Variants in KLHL29 observed in about 807,000 individuals in gnomAD.
The protein encoded by KLHL29 is kelch like family member 29, also known as kelch-like protein 29.
Under a neutral mutation model 80.4 loss-of-function variants are expected in KLHL29, and 21 were observed. The ratio of observed to expected loss-of-function variants is 0.26; its 90% CI spans 0.19 to 0.38. KLHL29 has a LOEUF of 0.38. KLHL29 is among the 10% of genes least tolerant of loss of function. The probability of loss-of-function intolerance (pLI) is 1.00; values close to 1 mark genes in which losing one functional copy is unlikely to be tolerated. For missense variants in KLHL29, 867 were observed against 1,223.9 expected (o/e 0.71, Z 4.35); for synonymous variants, 511 against 526.8 (o/e 0.97, Z 0.41).
chr2:23,593,477 A>G (rs978936633), intron 3 of KLHL29, among the ~76,000 whole-genome samples: 10 of 152,172 alleles, frequency 6.6e-5, no homozygotes, highest in African/African-American at 2.4e-4. Flanking sequence ...TAACAGATGC[A>G]TCTATTCAGT....
chr2:23,602,363 C>T (rs547869456), intron 3 of KLHL29, among the ~76,000 whole-genome samples: 1 of 152,308 alleles, frequency 6.6e-6, no homozygotes, highest in South Asian at 2.1e-4. Flanking sequence ...GCACTGGCTG[C>T]GGCTCCTGCA....
rs202189865 is a variant in KLHL29 at position 23,403,722 on chromosome 2, A to AGT, written c.-154+17943_-154+17944insTG. ...GAAGATGAAACCCAAAGAGAGAGAGAGAGAGTGTGTGTGTGTGTGTGTGTG... is the reference window on the plus strand; with the variant it reads ...GAAGATGAAACCCAAAGAGAGAGAGAGTGAGAGTGTGTGTGTGTGTGTGTGTG... On this transcript the variant is annotated intron_variant, in intron 1 of 13. Transcript: ENST00000486442. Among the ~76,000 whole-genome samples the AGT allele has an allele frequency of 6.6e-3, 924 of 141,046 alleles. 2 individuals are homozygous for AGT. Among genetic ancestry groups the AGT allele is most frequent in the Middle Eastern group, 0.021 (6 of 292 alleles). The allele number at this position is 141,046 out of a possible 152,430, so 92.5% of individuals were successfully genotyped here. A position where few individuals can be genotyped will look rare whatever the true frequency, so the allele number is the denominator to read the frequency against.
At chr2:23,496,804 G>C (rs775718300) in intron 2 of KLHL29, among the ~76,000 whole-genome samples, 18 of 152,190 alleles carry the variant, frequency 1.2e-4, no homozygotes, top group Non-Finnish European at 1.8e-4. Context: ...TCAGACTTCT[G>C]CATCCATACA....
intron 2 of KLHL29, among the ~76,000 whole-genome samples, chr2:23,529,315 A>G (rs931127842): frequency 1.3e-5 from 2 of 151,948 alleles, no homozygotes; most frequent in African/African-American, 2.4e-5. Context: ...GGGTCTTGCT[A>G]TGTTGCCCAG....
At chr2:23,597,405 ATATTTTTTTTTTT>A (rs1668453228) in intron 3 of KLHL29, among the ~76,000 whole-genome samples, 1 of 28,692 alleles carries the variant, frequency 3.5e-5, no homozygotes, top group African/African-American at 1.3e-4. Context: ...ATATATATAT[ATATTTTTTTTTTT>A]TTTTTTTTTT....
chr2:23,650,353 T>TCA (rs71402503), intron 5 of KLHL29, among the ~76,000 whole-genome samples: 64,155 of 151,090 alleles, frequency 0.42, 15,531 homozygotes, highest in Non-Finnish European at 0.53. Flanking sequence ...TATCATAGAG[T>TCA]CACACACACA....
intron 3 of KLHL29, among the ~76,000 whole-genome samples, chr2:23,613,832 G>A (rs4665617): frequency 4.9e-5 from 7 of 141,550 alleles, no homozygotes; most frequent in Admixed American, 3.6e-4. Flanking sequence ...ACAATTGTAC[G>A]CATCCAAGAA....
intron 5 of KLHL29, among the ~76,000 whole-genome samples, chr2:23,673,070 G>A (rs1670813807): frequency 6.6e-6 from 1 of 152,182 alleles, no homozygotes; most frequent in African/African-American, 2.4e-5. Flanking sequence ...GGGTTGGTTT[G>A]CTTGTTTCAC....
Position 23,410,051 on chromosome 2 carries a change from G to T in KLHL29, c.-154+24271G>T, listed in dbSNP as rs146380535. 6.6e-5 allele frequency among the ~76,000 whole-genome samples: 10 copies of T among 152,284 alleles called. No individual in the cohort carries two copies. The East Asian group carries it at 1.9e-3, about 29-fold the overall frequency. Reference sequence around the variant, plus strand: ...AAACTGGCATTAAGAAACCAGAGGGGAGCATGGCACAGGCGGAGAGTGGAG... The same window carrying T: ...AAACTGGCATTAAGAAACCAGAGGGTAGCATGGCACAGGCGGAGAGTGGAG... On this transcript the variant is annotated intron_variant, in intron 1 of 13. Coordinates refer to ENST00000486442, the MANE Select transcript of KLHL29 (RefSeq NM_052920.2).
intron 1 of KLHL29, among the ~76,000 whole-genome samples, chr2:23,465,759 G>A (rs1418287330): frequency 6.6e-6 from 1 of 152,086 alleles, no homozygotes; most frequent in African/African-American, 2.4e-5. Flanking sequence ...GATCTTTCAG[G>A]CACCACCTTC....
At chr2:23,581,793 A>C (rs1572415685) in intron 3 of KLHL29, among the ~76,000 whole-genome samples, 1 of 134,244 alleles carries the variant, frequency 7.4e-6, no homozygotes, top group Non-Finnish European at 1.5e-5. Flanking sequence ...ACACCATTGC[A>C]CTCCAGCCTG....
At chr2:23,604,010 G>A (rs1219803867) in intron 3 of KLHL29, among the ~76,000 whole-genome samples, 2 of 152,240 alleles carry the variant, frequency 1.3e-5, no homozygotes, top group African/African-American at 4.8e-5. Flanking sequence ...TGGGTGCACA[G>A]TTCTAGTGTG....
chr2:23,420,919 A>T (rs1662780078), intron 1 of KLHL29, among the ~76,000 whole-genome samples: 1 of 152,108 alleles, frequency 6.6e-6, no homozygotes, highest in Admixed American at 6.5e-5. Flanking sequence ...CCCTCCCAGA[A>T]GCCCTGGCTG....
rs571469911 is a variant in KLHL29, at chr2:23,469,979, G to A, written c.-153-5581G>A. On this transcript the variant is annotated intron_variant, in intron 1 of 13. Transcript: ENST00000486442. ...TGGCAGGGCTGAGTTGGGTGAGTTC[G>A]AGTTCATTTCATTTTGGGGGGGTCT... is the stretch of plus-strand genomic sequence containing the variant. 3.1e-4 allele frequency among the ~76,000 whole-genome samples: 47 copies of A among 150,370 alleles called. No homozygotes were observed. In the South Asian group the frequency reaches 5.1e-3, roughly 16 times the overall value.
chr2:23,687,803 G>A (rs1331057877), intron 6 of KLHL29, among the ~76,000 whole-genome samples: 6 of 152,200 alleles, frequency 3.9e-5, no homozygotes, highest in South Asian at 2.1e-4. Flanking sequence ...CTGCAGGGCC[G>A]GGTATGAGGG....
intron 1 of KLHL29, among the ~76,000 whole-genome samples, chr2:23,426,539 G>T (rs542588467): frequency 1.3e-5 from 2 of 152,326 alleles, no homozygotes; most frequent in South Asian, 4.1e-4. Flanking sequence ...GGCCTTTCAG[G>T]CATGTAAAGA....
intron 5 of KLHL29, chr2:23,672,616 T>A (rs1212551896): frequency 6.6e-6 from 1 of 151,274 alleles, no homozygotes; most frequent in Non-Finnish European, 1.5e-5. Context: ...TCCCTGCAGC[T>A]CTCTCATCCA....
chr2:23,489,223 C>T (rs1030029954), intron 2 of KLHL29, among the ~76,000 whole-genome samples: 1 of 152,094 alleles, frequency 6.6e-6, no homozygotes, highest in African/African-American at 2.4e-5. Context: ...CCTCCTGTTC[C>T]CCAGCGGGGT....
intron 4 of KLHL29, among the ~76,000 whole-genome samples, chr2:23,640,290 C>T (rs987849233): frequency 6.6e-6 from 1 of 152,208 alleles, no homozygotes; most frequent in Non-Finnish European, 1.5e-5. Context: ...ATCCAAGTCA[C>T]GGATTAAAAT....
Sources: allele counts gnomAD v4.1 joint callset (sites outside exome capture counted in the v4.1 genomes callset), GRCh38; gene constraint gnomAD v4.1.1; transcripts MANE v1.5; gene names NCBI Gene and HGNC (gene_info 2026-07-23, HGNC 2026-07-21).